The following COG7 variants were observed in gnomAD, a reference collection of about 807,000 sequenced individuals.
COG7 encodes component of oligomeric golgi complex 7.
Under a neutral mutation model 91.5 loss-of-function variants are expected in COG7, and 49 were observed. That is an observed-to-expected ratio of 0.54 (90% CI 0.43 to 0.68). The LOEUF is 0.68. COG7 is among the 30% of genes least tolerant of loss of function. The probability of loss-of-function intolerance (pLI) is 0.00; values close to 1 mark genes in which losing one functional copy is unlikely to be tolerated. For missense variants in COG7, 895 were observed against 961.3 expected, an observed-to-expected ratio of 0.93 and a Z score of 0.91; for synonymous variants, 365 against 388.7, an observed-to-expected ratio of 0.94 and a Z score of 0.72.
At chr16:23,430,031 T>C (rs995770906) in intron 6 of COG7, among the ~76,000 whole-genome samples, 1 of 152,142 alleles carries the variant, frequency 6.6e-6, no homozygotes, top group Admixed American at 6.6e-5. Flanking sequence ...ATGAGGGAAC[T>C]TTCCAGGGCG....
At chr16:23,452,552 G>GA (rs1393056798) in intron 1 of COG7, among the ~76,000 whole-genome samples, 1 of 151,848 alleles carries the variant, frequency 6.6e-6, no homozygotes, top group African/African-American at 2.4e-5. Flanking sequence ...TGTTTCAAAA[G>GA]AAAAAACAAA....
intron 14 of COG7, among the ~76,000 whole-genome samples, chr16:23,397,366 T>C (rs1281193029): frequency 6.6e-6 from 1 of 152,162 alleles, no homozygotes; most frequent in East Asian, 1.9e-4. Context: ...GTTTGGCACA[T>C]ATTACTCCTC....
intron 5 of COG7, 26 bp from the exon 6 acceptor site, chr16:23,433,693 T>A: frequency 1.2e-6 from 2 of 1,613,494 alleles, no homozygotes; most frequent in Non-Finnish European, 1.7e-6. Flanking sequence ...AAAGGGAACC[T>A]TATTGGGTAC....
rs1052756658 is a variant in COG7 at position 23,433,473 on chromosome 16, A to T, written c.810+72T>A. 15 of 1,595,366 alleles carry T rather than the reference A, an allele frequency of 9.4e-6. No homozygotes were observed. The South Asian group carries it at 1.5e-4, about 16-fold the overall frequency. Reference sequence around the variant, plus strand: ...CTGTGCTCTGCAGTTGAGGGTGGCCACTCCCGAGGCAGTCACCCGTTCCCT... The same window carrying T: ...CTGTGCTCTGCAGTTGAGGGTGGCCTCTCCCGAGGCAGTCACCCGTTCCCT... On this transcript the variant is annotated intron_variant, in intron 6 of 16. Transcript: ENST00000307149.
intron 1 of COG7, among the ~76,000 whole-genome samples, chr16:23,446,253 A>G (rs1232184693): frequency 2.6e-5 from 4 of 152,122 alleles, no homozygotes; most frequent in African/African-American, 4.8e-5. Context: ...CAGTGAAATC[A>G]TAACTCCACT....
intron 2 of COG7, 47 bp downstream of exon 2, chr16:23,445,766 A>G: frequency 6.2e-7 from 1 of 1,603,538 alleles, no homozygotes; most frequent in East Asian, 2.2e-5. Flanking sequence ...CACCTTCCCA[A>G]AGCAAGAATC....
chr16:23,438,139 GA>G (rs1964041382), intron 4 of COG7, among the ~76,000 whole-genome samples: 2 of 149,290 alleles, frequency 1.3e-5, no homozygotes, highest in Non-Finnish European at 3.0e-5. Context: ...ATCAATAATA[GA>G]ATGAAAACAC....
chr16:23,418,188 T>A (rs1344768016), intron 8 of COG7, among the ~76,000 whole-genome samples: 1 of 152,212 alleles, frequency 6.6e-6, no homozygotes. Flanking sequence ...CTCATTTTGT[T>A]TAACCTTCAT....
chr16:23,451,064 G>A (rs548194871), intron 1 of COG7, among the ~76,000 whole-genome samples: 4 of 152,084 alleles, frequency 2.6e-5, no homozygotes, highest in Non-Finnish European at 4.4e-5. Context: ...GGTGGGGCAC[G>A]CACCTGTAAT....
At chr16:23,430,194 A>G (rs1963912119) in intron 6 of COG7, among the ~76,000 whole-genome samples, 1 of 152,164 alleles carries the variant, frequency 6.6e-6, no homozygotes, top group African/African-American at 2.4e-5. Context: ...CGTGCAGCCC[A>G]ACAGTGGGAG....
chr16:23,409,088 T>TGTGTGTGTGTGCGCGCGC (rs567307217), intron 11 of COG7, among the ~76,000 whole-genome samples: 1,768 of 147,868 alleles, frequency 0.012, 22 homozygotes, highest in Middle Eastern at 0.021. Flanking sequence ...TGTGTGTGTG[T>TGTGTGTGTGTGCGCGCGC]GCGTGCATGT....
At chr16:23,413,741 G>A in intron 9 of COG7, 177 bp from the exon 10 acceptor site, 1 of 574,672 alleles carries the variant, frequency 1.7e-6, no homozygotes, top group Non-Finnish European at 3.2e-6. Flanking sequence ...TCTTCTCTAT[G>A]TGGCAAGACT....
chr16:23,440,306 T>C (rs1191373926), intron 4 of COG7, among the ~76,000 whole-genome samples: 1 of 151,244 alleles, frequency 6.6e-6, no homozygotes, highest in African/African-American at 2.4e-5. Context: ...GGAGAATCGC[T>C]TGAACCCAGG....
At chr16:23,405,244 A>G (rs1374024760) in intron 12 of COG7, among the ~76,000 whole-genome samples, 1 of 152,196 alleles carries the variant, frequency 6.6e-6, no homozygotes, top group Admixed American at 6.5e-5. Flanking sequence ...AAGAACTTGT[A>G]CTTGGGTAGA....
chr16:23,429,939 AC>A (rs1403719041), intron 6 of COG7, among the ~76,000 whole-genome samples: 1 of 152,216 alleles, frequency 6.6e-6, no homozygotes, highest in Admixed American at 6.5e-5. Flanking sequence ...ATTCTAGAAC[AC>A]ATTAAACTAA....
intron 4 of COG7, among the ~76,000 whole-genome samples, chr16:23,435,675 A>AG (rs1302842389): frequency 1.3e-5 from 2 of 152,180 alleles, no homozygotes; most frequent in African/African-American, 4.8e-5. Flanking sequence ...TATCAAAAGA[A>AG]GGGAAAAAAA....
Position 23,413,452 on chromosome 16 carries a change from T to C in COG7, c.1405A>G (p.Ile469Val), listed in dbSNP as rs751036976. 16 of 1,526,306 alleles carry C rather than the reference T, an allele frequency of 1.0e-5. No individual in the cohort carries two copies. Among genetic ancestry groups the C allele is most frequent in the East Asian group, 2.2e-5 (1 of 44,498 alleles). 94.5% of individuals were successfully genotyped at this position (1,526,306 alleles called of 1,614,324 possible). A position where few individuals can be genotyped will look rare whatever the true frequency, so the allele number is the denominator to read the frequency against. Residue 469 changes from isoleucine (I) to valine (V), a missense_variant, in exon 10 of 17, where the codon ATT becomes GTT. Physicochemically the swap from Ile to Val is conservative, Grantham distance 29. Transcript: ENST00000307149. Reference protein sequence around the residue: ...QEDWTAFQNSIRIIATCGELL... With the variant: ...QEDWTAFQNSVRIIATCGELL... The stretch of plus-strand genomic sequence containing the variant: ...GAATTACAACCCCCGGTTTACCTAA[T>C]GGAGTTCTGAAAAGCCGTCCAATCT...
chr16:23,396,502 A>G (rs1963287038), intron 14 of COG7, among the ~76,000 whole-genome samples: 9 of 152,008 alleles, frequency 5.9e-5, no homozygotes. Flanking sequence ...AACATGACGA[A>G]ACCCTGTATC....
At chr16:23,407,024 G>C (rs1963473769) in intron 11 of COG7, among the ~76,000 whole-genome samples, 1 of 152,184 alleles carries the variant, frequency 6.6e-6, no homozygotes, top group African/African-American at 2.4e-5. Context: ...AACACATTAT[G>C]ACACATCCCA....
Sources: gnomAD v4.1 joint callset for allele counts (sites outside exome capture counted in the v4.1 genomes callset) on GRCh38, gnomAD v4.1.1 for gene constraint, MANE v1.5 for transcripts, NCBI Gene and HGNC (gene_info 2026-07-23, HGNC 2026-07-21) for gene names.